Variants in MSH4 observed in about 807,000 individuals in gnomAD.
The protein encoded by MSH4 is mutS homolog 4.
Under a neutral mutation model 113.7 loss-of-function variants are expected in MSH4, and 106 were observed. That is an observed-to-expected ratio of 0.93 (90% CI 0.80 to 1.10). MSH4 has a LOEUF of 1.10. Ranked by LOEUF, MSH4 falls within the 50% of genes least tolerant of loss-of-function variation. The probability of loss-of-function intolerance (pLI) is 0.00; values close to 1 mark genes in which losing one functional copy is unlikely to be tolerated. For synonymous variants in MSH4, 368 were observed against 380.2 expected, an observed-to-expected ratio of 0.97 and a Z score of 0.37; for missense variants, 1,061 against 1,093.7, an observed-to-expected ratio of 0.97 and a Z score of 0.42.
chr1:75,804,798 G>A (rs559714627), intron 2 of MSH4, among the ~76,000 whole-genome samples: 1 of 150,620 alleles, frequency 6.6e-6, no homozygotes, highest in South Asian at 2.1e-4. Context: ...ATGAGCCACT[G>A]TGCCTGGCTG....
rs761159443 is a variant in MSH4, at chr1:75,881,390, A to G, written c.1906+20A>G. ...ACTATGGTAAGTTGCTTTCTTTGGA[A>G]TAAACATATTGCATAGTTAAATTTG... On this transcript the variant is annotated intron_variant, in intron 14 of 19. Coordinates refer to ENST00000263187, the MANE Select transcript of MSH4 (RefSeq NM_002440.4). The G allele has an allele frequency of 1.9e-6, 3 of 1,606,848 alleles. No homozygotes were observed. Among genetic ancestry groups the G allele is most frequent in the South Asian group, 2.2e-5 (2 of 90,668 alleles).
At chr1:75,853,904 T>C (rs192646936) in intron 8 of MSH4, among the ~76,000 whole-genome samples, 219 of 151,620 alleles carry the variant, frequency 1.4e-3, no homozygotes, top group African/African-American at 5.2e-3. Flanking sequence ...TGGTTCATTT[T>C]AGTAAGGAAT....
At position 75,875,448 on chromosome 1, in the gene MSH4, C is replaced by T. The variant is rs1651799018; in HGVS notation, c.1306-1488C>T. Among the ~76,000 whole-genome samples the T allele has an allele frequency of 1.3e-5, 2 of 152,074 alleles. 1 individual carries two copies. Among genetic ancestry groups the T allele is most frequent in the South Asian group, 4.1e-4 (2 of 4,824 alleles). On this transcript the variant is annotated intron_variant, in intron 9 of 19. Transcript: ENST00000263187. ...AGAATGGAGCAGCACACATTCATAACAGAACAAGAAATCATGTCAATTATA... is the reference window on the plus strand; with the variant it reads ...AGAATGGAGCAGCACACATTCATAATAGAACAAGAAATCATGTCAATTATA...
intron 1 of MSH4, among the ~76,000 whole-genome samples, chr1:75,798,730 A>C (rs1649872903): frequency 6.6e-6 from 1 of 151,114 alleles, no homozygotes; most frequent in South Asian, 2.1e-4. Context: ...TAATTTAAAA[A>C]ATTTTTTTGT....
At chr1:75,868,381 A>G (rs1295854982) in intron 9 of MSH4, among the ~76,000 whole-genome samples, 1 of 152,248 alleles carries the variant, frequency 6.6e-6, no homozygotes, top group Non-Finnish European at 1.5e-5. Context: ...CATTGATTGT[A>G]GAATTAATTG....
chr1:75,888,933 C>A (rs1401958654), intron 15 of MSH4, among the ~76,000 whole-genome samples: 1 of 138,528 alleles, frequency 7.2e-6, no homozygotes, highest in South Asian at 2.2e-4. Context: ...CTCATTCTGT[C>A]GCCCAGGCTG....
intron 12 of MSH4, 54 bp from the exon 13 acceptor site, chr1:75,879,996 C>T: frequency 1.2e-6 from 1 of 838,118 alleles, no homozygotes; most frequent in South Asian, 1.6e-5. Context: ...TAAAATCTTA[C>T]ATTTCATAGT....
intron 7 of MSH4, among the ~76,000 whole-genome samples, chr1:75,842,153 G>A (rs1650972531): frequency 6.6e-6 from 1 of 152,210 alleles, no homozygotes; most frequent in South Asian, 2.1e-4. Flanking sequence ...CTTCCAGACT[G>A]TAGGTAAATT....
intron 4 of MSH4, among the ~76,000 whole-genome samples, chr1:75,812,141 T>A (rs559779760): frequency 2.0e-5 from 3 of 152,076 alleles, no homozygotes; most frequent in Non-Finnish European, 4.4e-5. Flanking sequence ...GTAAACTACC[T>A]TATGCAAAAA....
intron 7 of MSH4, among the ~76,000 whole-genome samples, chr1:75,840,928 A>G (rs1217035430): frequency 6.6e-6 from 1 of 152,166 alleles, no homozygotes; most frequent in African/African-American, 2.4e-5. Context: ...TGGGATAAAG[A>G]CAGAATCCAG....
At chr1:75,895,235 AAT>A (rs1652345560) in intron 17 of MSH4, among the ~76,000 whole-genome samples, 1 of 152,126 alleles carries the variant, frequency 6.6e-6, no homozygotes, top group Non-Finnish European at 1.5e-5. Flanking sequence ...AGCAAAGGGA[AAT>A]TGGACTACTA....
intron 7 of MSH4, among the ~76,000 whole-genome samples, chr1:75,834,255 G>T (rs1650776976): frequency 6.6e-6 from 1 of 152,142 alleles, no homozygotes; most frequent in Non-Finnish European, 1.5e-5. Context: ...AGTTAGAATG[G>T]CAATCATTAA....
At chr1:75,897,878 T>A in intron 17 of MSH4, 29 bp from the exon 18 acceptor site, 1 of 1,348,248 alleles carries the variant, frequency 7.4e-7, no homozygotes, top group Non-Finnish European at 9.8e-7. Flanking sequence ...TTTAAAGTAC[T>A]AATATTCATT....
rs57993860 is a variant in MSH4 at position 75,827,589 on chromosome 1, A to T, written c.1162+5008A>T. 7.5e-3 allele frequency among the ~76,000 whole-genome samples: 1,136 copies of T among 151,688 alleles called. 10 individuals are homozygous for T. Among genetic ancestry groups the T allele is most frequent in the African/African-American group, 0.026 (1,089 of 41,370 alleles). ...CCCATCAGTGTGCTGTATTCAGGAG[A>T]CCCATCTCACATGCAAAGACACACA... On this transcript the variant is annotated intron_variant, in intron 7 of 19. Coordinates refer to ENST00000263187, the MANE Select transcript of MSH4 (RefSeq NM_002440.4).
intron 7 of MSH4, among the ~76,000 whole-genome samples, chr1:75,837,085 C>A (rs1650844588): frequency 6.6e-6 from 1 of 152,082 alleles, no homozygotes; most frequent in African/African-American, 2.4e-5. Flanking sequence ...GACGTGGGGC[C>A]TTTAGGGGGT....
At chr1:75,869,396 C>A (rs955162960) in intron 9 of MSH4, among the ~76,000 whole-genome samples, 1 of 152,116 alleles carries the variant, frequency 6.6e-6, no homozygotes, top group African/African-American at 2.4e-5. Context: ...TTCAAACCAG[C>A]TGAAGAAATT....
At chr1:75,853,085 GAC>G (rs1651224875) in intron 8 of MSH4, among the ~76,000 whole-genome samples, 1 of 150,840 alleles carries the variant, frequency 6.6e-6, no homozygotes, top group Non-Finnish European at 1.5e-5. Flanking sequence ...GTTTGTTTGA[GAC>G]AGAGTTTCAC....
rs113514657 is a variant in MSH4, at chr1:75,801,375, G to C, written c.245-2356G>C. Among the ~76,000 whole-genome samples, 1,163 of 151,860 alleles carry C rather than the reference G, an allele frequency of 7.7e-3. 13 individuals are homozygous for C. The highest frequency in any genetic ancestry group is 0.014 in the Middle Eastern group (4 of 294). ...AGGCCAGGAGTTCATGACCAGTCTG[G>C]CCAACATGACAAAACCCTGTCTCTA... On this transcript the variant is annotated intron_variant, in intron 1 of 19. Transcript: ENST00000263187.
At chr1:75,816,179 G>A (rs977224149) in intron 5 of MSH4, among the ~76,000 whole-genome samples, 194 bp from the exon 6 acceptor site, 1 of 152,070 alleles carries the variant, frequency 6.6e-6, no homozygotes, top group African/African-American at 2.4e-5. Flanking sequence ...ATTAATACTT[G>A]AAATTATTTA....
Sources: gnomAD v4.1 joint callset for allele counts (sites outside exome capture counted in the v4.1 genomes callset) on GRCh38, gnomAD v4.1.1 for gene constraint, MANE v1.5 for transcripts, NCBI Gene and HGNC (gene_info 2026-07-23, HGNC 2026-07-21) for gene names.